Variants in CCDC134 observed in about 807,000 individuals in gnomAD.
CCDC134 encodes coiled-coil domain containing 134, also known as coiled-coil domain-containing protein 134.
CCDC134 carries 27 observed loss-of-function variants against 25.6 expected under a neutral mutation model. The ratio of observed to expected loss-of-function variants is 1.05; its 90% CI spans 0.78 to 1.45. The LOEUF is 1.45. Ranked by LOEUF, CCDC134 falls within the 40% of genes most tolerant of loss-of-function variation. The pLI, the probability that CCDC134 is intolerant of heterozygous loss-of-function variation, is 0.00. For missense variants in CCDC134, 261 were observed against 286.7 expected, an observed-to-expected ratio of 0.91 and a Z score of 0.65; for synonymous variants, 110 against 115.0, an observed-to-expected ratio of 0.96 and a Z score of 0.28.
At chr22:41,802,257 T>G (rs1200130072) in intron 1 of CCDC134, among the ~76,000 whole-genome samples, 1 of 152,224 alleles carries the variant, frequency 6.6e-6, no homozygotes, top group Non-Finnish European at 1.5e-5. Flanking sequence ...AACTTTCATA[T>G]TTCCCCCTTT....
rs181921895 is a variant in CCDC134, at chr22:41,830,220, A to C, written c.*4397A>C. 9.2e-4 allele frequency among the ~76,000 whole-genome samples: 140 copies of C among 152,324 alleles called. 3 individuals are homozygous for C. In the East Asian group the frequency reaches 0.024, roughly 27 times the overall value. On this transcript the variant is annotated 3_prime_UTR_variant, in exon 7 of 7. Transcript: ENST00000255784. ...TCAGTTACATGGGATCCAGGGCCAGAGGGAAAATATCAGTGCTTCCTGAGG... is the reference window on the plus strand; with the variant it reads ...TCAGTTACATGGGATCCAGGGCCAGCGGGAAAATATCAGTGCTTCCTGAGG...
chr22:41,820,618 T>G (rs989850348), intron 6 of CCDC134, among the ~76,000 whole-genome samples: 2 of 152,130 alleles, frequency 1.3e-5, no homozygotes, highest in Non-Finnish European at 2.9e-5. Flanking sequence ...CTGCTTCTCT[T>G]TTGGAAGTAG....
chr22:41,800,913 G>C (rs1405555527), intron 1 of CCDC134, 147 bp downstream of exon 1: 1 of 152,220 alleles, frequency 6.6e-6, no homozygotes, highest in Non-Finnish European at 1.5e-5. Context: ...CCCTCCTCCG[G>C]GAGCTCCGAA....
rs2076672742 is a variant in CCDC134 at position 41,825,577 on chromosome 22, T to C, written c.565-121T>C. 5.4e-6 allele frequency: 7 copies of C among 1,294,316 alleles called. No homozygotes were observed. The highest frequency in any genetic ancestry group is 7.5e-6 in the Non-Finnish European group (7 of 934,796). 80.2% of individuals were successfully genotyped at this position (1,294,316 alleles called of 1,614,324 possible). On this transcript the variant is annotated intron_variant, in intron 6 of 6. Coordinates refer to ENST00000255784, the MANE Select transcript of CCDC134 (RefSeq NM_024821.5). The surrounding 1 kb of genome is among the most constrained non-coding windows in gnomAD (Gnocchi z 4.4). ...CTCCCAAACCCATTTCCTGTCTCCG[T>C]GTCTGGGGCAGGGCCTGTGTCCAGG... is the stretch of plus-strand genomic sequence containing the variant.
chr22:41,808,794 A>T (rs952792756), intron 1 of CCDC134, 81 bp from the exon 2 acceptor site: 11 of 1,090,706 alleles, frequency 1.0e-5, no homozygotes, highest in Admixed American at 3.8e-5. Context: ...TGTCGGGGGA[A>T]GCTGCTGTTC....
chr22:41,820,859 A>C (rs2076648522), intron 6 of CCDC134, among the ~76,000 whole-genome samples: 1 of 152,138 alleles, frequency 6.6e-6, no homozygotes, highest in Non-Finnish European at 1.5e-5. Flanking sequence ...GAGAAGCTGG[A>C]CTTATAAATG....
Position 41,830,667 on chromosome 22 carries a change from TAA to T in CCDC134, c.*4845_*4846del, listed in dbSNP as rs1162682715. Among the ~76,000 whole-genome samples, 1 of 152,184 alleles carries T rather than the reference TAA, an allele frequency of 6.6e-6. No individual in the cohort carries two copies. The highest frequency in any genetic ancestry group is 2.4e-5 in the African/African-American group (1 of 41,430). On this transcript the variant is annotated 3_prime_UTR_variant, in exon 7 of 7. Coordinates refer to ENST00000255784, the MANE Select transcript of CCDC134 (RefSeq NM_024821.5). ...AATGTTGTCTTGCTTTCCCAAAAAA[TAA>T]GACACTATCTATTTCTCATTAGTTA...
intron 1 of CCDC134, among the ~76,000 whole-genome samples, chr22:41,801,662 A>T (rs1008788947): frequency 6.6e-6 from 1 of 152,090 alleles, no homozygotes; most frequent in African/African-American, 2.4e-5. Flanking sequence ...TTACAAGTTT[A>T]TTGATCAACT....
chr22:41,823,220 A>ATTTT (rs34103607), intron 6 of CCDC134, among the ~76,000 whole-genome samples: 42 of 127,442 alleles, frequency 3.3e-4, no homozygotes, highest in South Asian at 7.6e-4. Context: ...CATTACCAGA[A>ATTTT]TTTTTTTTTT....
chr22:41,803,125 A>G (rs2076552032), intron 1 of CCDC134, among the ~76,000 whole-genome samples: 1 of 151,828 alleles, frequency 6.6e-6, no homozygotes, highest in Non-Finnish European at 1.5e-5. Context: ...AAAAAAAAAA[A>G]GTTATCTGGG....
At chr22:41,814,204 T>C (rs1247508836) in intron 6 of CCDC134, among the ~76,000 whole-genome samples, 1 of 152,178 alleles carries the variant, frequency 6.6e-6, no homozygotes, top group African/African-American at 2.4e-5. Flanking sequence ...CTCCTGTACA[T>C]GCTCTCATTC....
chr22:41,820,057 G>A (rs1167859777), intron 6 of CCDC134, among the ~76,000 whole-genome samples: 6 of 146,182 alleles, frequency 4.1e-5, no homozygotes, highest in Non-Finnish European at 6.0e-5. Flanking sequence ...GTGCAGTGGC[G>A]CGATCTTGGC....
In CCDC134 at chr22:41,801,744, A is replaced by G. The variant is rs188937206; in HGVS notation, c.-17+978A>G. On this transcript the variant is annotated intron_variant, in intron 1 of 6. Coordinates refer to ENST00000255784, the MANE Select transcript of CCDC134 (RefSeq NM_024821.5). ...TATTTATTGCTGTATTCCCGCCTCT[A>G]GAACAGTGCCTAGAGTGTGGTAGGT... 3.8e-4 allele frequency among the ~76,000 whole-genome samples: 58 copies of G among 152,312 alleles called. No individual in the cohort carries two copies. The East Asian group carries it at 0.011, about 29-fold the overall frequency.
chr22:41,822,370 A>C lies in CCDC134; in HGVS notation c.565-3328A>C, dbSNP rs572625894. The stretch of plus-strand genomic sequence containing the variant: ...GGTACAGTAATCAACCTGAGGTCTC[A>C]CAGCCAGTAAGTGATGGAGTGAAGG... On this transcript the variant is annotated intron_variant, in intron 6 of 6. Transcript: ENST00000255784. Among the ~76,000 whole-genome samples, 429 of 152,340 alleles carry C rather than the reference A, an allele frequency of 2.8e-3. 9 individuals are homozygous for C. Among genetic ancestry groups the C allele is most frequent in the Admixed American group, 0.026 (390 of 15,286 alleles).
At chr22:41,802,969 C>T (rs909220850) in intron 1 of CCDC134, among the ~76,000 whole-genome samples, 11 of 151,676 alleles carry the variant, frequency 7.3e-5, no homozygotes, top group African/African-American at 2.7e-4. Context: ...CAAAAATTAG[C>T]CGGGCGTGGT....
intron 1 of CCDC134, among the ~76,000 whole-genome samples, chr22:41,801,870 C>T (rs1323799372): frequency 2.6e-5 from 4 of 152,040 alleles, no homozygotes; most frequent in East Asian, 1.9e-4. Flanking sequence ...AACCTGTGTA[C>T]GTATTTGGGG....
chr22:41,825,666 A>T lies in CCDC134; in HGVS notation c.565-32A>T. The T allele has an allele frequency of 6.2e-7, 1 of 1,613,242 alleles. No individual in the cohort carries two copies. Among genetic ancestry groups the T allele is most frequent in the Non-Finnish European group, 8.5e-7 (1 of 1,179,446 alleles). ...CAGAGCAGGCTCTTTGCTGCCACAG[A>T]CTAAATCAGACTGCTCTTCTCTTCC... On this transcript the variant is annotated intron_variant, in intron 6 of 6. Transcript: ENST00000255784. This position sits in a 1 kb window ranked among gnomAD's most constrained non-coding sequence, Gnocchi z 4.4.
At chr22:41,809,698 A>G (rs2076584788) in intron 2 of CCDC134, among the ~76,000 whole-genome samples, 181 bp from the exon 3 acceptor site, 1 of 152,144 alleles carries the variant, frequency 6.6e-6, no homozygotes, top group Non-Finnish European at 1.5e-5. Flanking sequence ...TGGGAACTGG[A>G]TGAATAGTGC....
chr22:41,826,927 C>A lies in CCDC134; in HGVS notation c.*1104C>A, dbSNP rs2076682560. ...AAAACCATCCCAGATCCCCTCGACA[C>A]CCAGCCCCCTACCACTGACAGAGCA... On this transcript the variant is annotated 3_prime_UTR_variant, in exon 7 of 7. Coordinates refer to ENST00000255784, the MANE Select transcript of CCDC134 (RefSeq NM_024821.5). 6.6e-6 allele frequency among the ~76,000 whole-genome samples: 1 copy of A among 152,264 alleles called. No individual in the cohort carries two copies. The highest frequency in any genetic ancestry group is 1.5e-5 in the Non-Finnish European group (1 of 68,046).
Sources: gnomAD v4.1 joint callset for allele counts (sites outside exome capture counted in the v4.1 genomes callset) on GRCh38, gnomAD v4.1.1 for gene constraint, Gnocchi (gnomAD v3.1) non-coding constraint, MANE v1.5 for transcripts, NCBI Gene and HGNC (gene_info 2026-07-23, HGNC 2026-07-21) for gene names.